Variants in RNF169 observed in about 807,000 individuals in gnomAD.
RNF169 encodes the protein E3 ubiquitin-protein ligase RNF169.
A neutral mutation model predicts 53.9 loss-of-function variants in RNF169; 24 were observed. The ratio of observed to expected loss-of-function variants is 0.45; its 90% CI spans 0.32 to 0.63. The LOEUF (loss-of-function observed/expected upper bound fraction) is 0.63, where lower values mean the gene tolerates loss of function less well. RNF169 is among the 20% of genes least tolerant of loss of function. The pLI, the probability that RNF169 is intolerant of heterozygous loss-of-function variation, is 0.04. For synonymous variants in RNF169, 396 were observed against 363.5 expected, an observed-to-expected ratio of 1.09 and a Z score of -1.02; for missense variants, 883 against 906.2, an observed-to-expected ratio of 0.97 and a Z score of 0.33.
At chr11:74,752,163 C>G (rs906058217) in intron 1 of RNF169, among the ~76,000 whole-genome samples, 1 of 125,664 alleles carries the variant, frequency 8.0e-6, no homozygotes, top group African/African-American at 3.0e-5. Flanking sequence ...ACCCAGGAGG[C>G]GGAGGTTGCA....
chr11:74,812,602 CCTGGGCTG>C (rs1259624553), intron 3 of RNF169, among the ~76,000 whole-genome samples: 5 of 151,864 alleles, frequency 3.3e-5, no homozygotes, highest in African/African-American at 4.9e-5. Flanking sequence ...TGCCAGTGTG[CCTGGGCTG>C]CTTTTATATT....
At position 74,835,609 on chromosome 11, in the gene RNF169, C is replaced by G. The variant is rs972891841; in HGVS notation, c.1006C>G (p.Arg336Gly). ...TGTCCTCTTGTCAACTCAAAACAAC[C>G]GCTGCGTCTCGGCCCCTGACTTAAC... ...IGVLLSTQNN[R>G]CVSAPDLTIE... The change falls in exon 6 of 6, where the codon CGC becomes GGC. Residue 336 changes from arginine (R) to glycine (G), a missense_variant. Arg to Gly is a moderately radical substitution (Grantham distance 125). Transcript: ENST00000299563. 6.2e-7 allele frequency: 1 copy of G among 1,614,168 alleles called. No homozygotes were observed. The highest frequency in any genetic ancestry group is 2.2e-5 in the East Asian group (1 of 44,882).
chr11:74,835,980 G>A lies in RNF169; in HGVS notation c.1377G>A (p.Met459Ile), dbSNP rs768645975. The change falls in exon 6 of 6, where the codon ATG (methionine) becomes ATA (isoleucine). Residue 459 changes from methionine (M) to isoleucine (I), a missense_variant. Coordinates refer to ENST00000299563, the MANE Select transcript of RNF169 (RefSeq NM_001098638.2). ...CTCTTACCTCTCTGGCTCCTGAAAT[G>A]GGGGAAGAGTTACTAGGCTCTGAAG... is the stretch of plus-strand genomic sequence containing the variant. Reference protein sequence around the residue: ...KATLTSLAPEMGEELLGSEGI... With the variant: ...KATLTSLAPEIGEELLGSEGI... 2 of 1,614,186 alleles carry A rather than the reference G, an allele frequency of 1.2e-6. No homozygotes were observed. Among genetic ancestry groups the A allele is most frequent in the South Asian group, 1.1e-5 (1 of 91,074 alleles).
intron 1 of RNF169, among the ~76,000 whole-genome samples, chr11:74,750,135 T>C (rs566537189): frequency 6.6e-5 from 10 of 152,312 alleles, no homozygotes; most frequent in East Asian, 1.9e-4. Flanking sequence ...AAGTCTGTTG[T>C]AGGACTCTTG....
chr11:74,811,753 C>G (rs1174479981), intron 3 of RNF169, among the ~76,000 whole-genome samples: 1 of 152,138 alleles, frequency 6.6e-6, no homozygotes, highest in Non-Finnish European at 1.5e-5. Context: ...TGTGTGTACT[C>G]TTAATGCTCT....
At chr11:74,782,339 G>A (rs1278744292) in intron 1 of RNF169, among the ~76,000 whole-genome samples, 2 of 152,160 alleles carry the variant, frequency 1.3e-5, no homozygotes, top group Non-Finnish European at 2.9e-5. Context: ...CTGGGCTGCG[G>A]ACTGGTACCA....
chr11:74,802,934 G>C (rs895322735), intron 2 of RNF169, among the ~76,000 whole-genome samples: 6 of 150,802 alleles, frequency 4.0e-5, no homozygotes, highest in East Asian at 2.0e-4. Flanking sequence ...TTTTGGGGGG[G>C]GGTGGGGACG....
At chr11:74,794,112 C>T (rs1287307650) in intron 2 of RNF169, among the ~76,000 whole-genome samples, 1 of 152,172 alleles carries the variant, frequency 6.6e-6, no homozygotes, top group Non-Finnish European at 1.5e-5. Context: ...TAGCTAGGAA[C>T]ATTAACTTTC....
intron 2 of RNF169, among the ~76,000 whole-genome samples, chr11:74,804,796 C>T (rs1486520698): frequency 2.6e-5 from 4 of 151,894 alleles, no homozygotes; most frequent in East Asian, 3.9e-4. Context: ...CTATGGACGA[C>T]GTTAAGAAAT....
chr11:74,800,558 G>A (rs2035714904), intron 2 of RNF169, among the ~76,000 whole-genome samples: 1 of 152,118 alleles, frequency 6.6e-6, no homozygotes, highest in Non-Finnish European at 1.5e-5. Context: ...TAGGGTTATT[G>A]TAAAATAGTG....
At chr11:74,758,724 T>C (rs533144278) in intron 1 of RNF169, among the ~76,000 whole-genome samples, 25 of 152,154 alleles carry the variant, frequency 1.6e-4, no homozygotes, top group Non-Finnish European at 3.2e-4. Context: ...GGGGATGGTC[T>C]CGATCTCCTG....
chr11:74,810,305 T>TC lies in RNF169; in HGVS notation c.698_699insC (p.Leu233PhefsTer20). ...GAACAGAAAAAAAGAGATGAACCAT[T>TC]AGTACTGAAAACAAATCTGGAACGT... On this transcript the variant is annotated frameshift_variant, in exon 3 of 6. Transcript: ENST00000299563. LOFTEE classifies it high-confidence loss of function. 1 of 1,613,564 alleles carries TC rather than the reference T, an allele frequency of 6.2e-7. No individual in the cohort carries two copies. The highest frequency in any genetic ancestry group is 8.5e-7 in the Non-Finnish European group (1 of 1,179,810).
chr11:74,758,406 G>A (rs887008152), intron 1 of RNF169, among the ~76,000 whole-genome samples: 6 of 149,614 alleles, frequency 4.0e-5, no homozygotes, highest in Non-Finnish European at 8.9e-5. Flanking sequence ...CTGTAGCCTT[G>A]TAGTATAGTT....
At position 74,810,317 on chromosome 11, in the gene RNF169, C is replaced by T. The variant is rs371597546; in HGVS notation, c.710C>T (p.Thr237Ile). 2 of 1,613,312 alleles carry T rather than the reference C, an allele frequency of 1.2e-6. No individual in the cohort carries two copies. The highest frequency in any genetic ancestry group is 2.2e-5 in the South Asian group (2 of 90,954). Reference sequence around the variant, plus strand: ...AGAGATGAACCATTAGTACTGAAAACAAATCTGGAACGTGTAAGTAAATCA... The same window carrying T: ...AGAGATGAACCATTAGTACTGAAAATAAATCTGGAACGTGTAAGTAAATCA... ...KKRDEPLVLK[T>I]NLERCPARLS... The change falls in exon 3 of 6, where the codon ACA (threonine) becomes ATA (isoleucine). Residue 237 changes from threonine to isoleucine, a missense_variant. This residue lies in a region of RNF169 where 219 missense variants were observed against 289.1 expected (regional missense o/e 0.76). Transcript: ENST00000299563.
In RNF169 at chr11:74,834,664, ATTC is replaced by A. The variant is rs1036021457; in HGVS notation, c.843-9_843-7del. ...AATTTTGACTACTCGTTTTTTATTT[ATTC>A]TTTTTTAGGAAGCTAAACTCCAAGG... On this transcript the variant is annotated splice_polypyrimidine_tract_variant and intron_variant, in intron 4 of 5. Transcript: ENST00000299563. The A allele has an allele frequency of 6.3e-7, 1 of 1,597,066 alleles. No homozygotes were observed. Among genetic ancestry groups the A allele is most frequent in the African/African-American group, 1.4e-5 (1 of 74,022 alleles).
intron 4 of RNF169, chr11:74,832,198 C>G (rs1197776689): frequency 6.6e-6 from 1 of 151,860 alleles, no homozygotes; most frequent in Non-Finnish European, 1.5e-5. Flanking sequence ...AGTTGGTGGT[C>G]AGTAAGAAGT....
chr11:74,782,397 A>G (rs1204364673), intron 1 of RNF169, among the ~76,000 whole-genome samples: 1 of 152,190 alleles, frequency 6.6e-6, no homozygotes, highest in Non-Finnish European at 1.5e-5. Context: ...GAGTGGCAGC[A>G]TTAGATTCTC....
intron 1 of RNF169, among the ~76,000 whole-genome samples, chr11:74,775,623 A>G (rs758422464): frequency 2.0e-5 from 3 of 152,062 alleles, no homozygotes; most frequent in Admixed American, 6.6e-5. Flanking sequence ...TTCCTCACCA[A>G]TGATTATTCT....
chr11:74,835,380 G>A (rs2036237531), intron 5 of RNF169, among the ~76,000 whole-genome samples, 166 bp from the exon 6 acceptor site: 1 of 152,016 alleles, frequency 6.6e-6, no homozygotes, highest in Admixed American at 6.6e-5. Flanking sequence ...TCTGCTAAAT[G>A]GTATGCTTTC....
Sources: allele counts gnomAD v4.1 joint callset (sites outside exome capture counted in the v4.1 genomes callset), GRCh38; gene constraint gnomAD v4.1.1; regional missense constraint gnomAD v4.1.1; transcripts MANE v1.5; gene names NCBI Gene and HGNC (gene_info 2026-07-23, HGNC 2026-07-21).